Variants in NCAM1 observed in about 807,000 individuals in gnomAD.
NCAM1 encodes neural cell adhesion molecule 1, also known as antigen recognized by monoclonal antibody 5.1H11.
In NCAM1, 14 loss-of-function variants were observed where a neutral mutation model predicts 109.8. The ratio of observed to expected loss-of-function variants is 0.13; its 90% CI spans 0.08 to 0.20. The LOEUF is 0.20. Among genes scored for constraint, NCAM1 ranks in the 10% least tolerant of loss-of-function variants. The pLI, the probability that NCAM1 is intolerant of heterozygous loss-of-function variation, is 1.00. For synonymous variants in NCAM1, 418 were observed against 442.9 expected, an observed-to-expected ratio of 0.94 and a Z score of 0.70; for missense variants, 774 against 1,109.9, an observed-to-expected ratio of 0.70 and a Z score of 4.30.
At chr11:113,272,039 C>T (rs1565542641) in intron 19 of NCAM1, among the ~76,000 whole-genome samples, 163 bp downstream of exon 19, 1 of 151,902 alleles carries the variant, frequency 6.6e-6, no homozygotes, top group Admixed American at 6.5e-5. Context: ...TGAGAAATGC[C>T]TGACCTCAGG....
At chr11:112,988,805 G>C (rs1356732207) in intron 1 of NCAM1, among the ~76,000 whole-genome samples, 1 of 146,776 alleles carries the variant, frequency 6.8e-6, no homozygotes, top group East Asian at 2.0e-4. Flanking sequence ...CCGAAGTGCA[G>C]TGGCCCAATC....
At chr11:112,969,647 A>G (rs941678256) in intron 1 of NCAM1, among the ~76,000 whole-genome samples, 2 of 152,108 alleles carry the variant, frequency 1.3e-5, no homozygotes, top group Admixed American at 1.3e-4. Flanking sequence ...CACATATGTA[A>G]AGCAGATATA....
Position 113,207,384 on chromosome 11 carries a change from A to C in NCAM1, c.746+6A>C. The C allele has an allele frequency of 6.2e-7, 1 of 1,605,120 alleles. No individual in the cohort carries two copies. Among genetic ancestry groups the C allele is most frequent in the African/African-American group, 1.3e-5 (1 of 74,872 alleles). On this transcript the variant is annotated splice_donor_region_variant and intron_variant, in intron 6 of 19. Transcript: ENST00000316851. ...CCCACCATGAGCTGGACAAAGTAAG[A>C]AACTGGCTCATACCTTTTATCATGG...
In NCAM1 at chr11:113,214,377, A is replaced by G; in HGVS notation, c.925A>G (p.Lys309Glu). Reference sequence around the variant, plus strand: ...ATGTTTTGTCTTTTCAGCAAAACCCAAAATCACATATGTAGAGAACCAGAC... The same window carrying G: ...ATGTTTTGTCTTTTCAGCAAAACCCGAAATCACATATGTAGAGAACCAGAC... ...TIHLKVFAKPKITYVENQTAM... is the reference protein window; with the variant it reads ...TIHLKVFAKPEITYVENQTAM... Residue 309 changes from lysine to glutamate, a missense_variant, in exon 8 of 20, where the codon AAA (lysine) becomes GAA (glutamate). Lys to Glu is a moderately conservative substitution (Grantham distance 56). Transcript: ENST00000316851. The G allele has an allele frequency of 1.2e-6, 2 of 1,613,526 alleles. No homozygotes were observed. The highest frequency in any genetic ancestry group is 1.1e-5 in the South Asian group (1 of 90,890).
Position 113,087,556 on chromosome 11 carries a change from C to G in NCAM1, c.53-114823C>G, listed in dbSNP as rs34643760. 9.3e-3 allele frequency among the ~76,000 whole-genome samples: 1,411 copies of G among 152,196 alleles called. 10 individuals carry two copies. The highest frequency in any genetic ancestry group is 0.037 in the South Asian group (179 of 4,808). On this transcript the variant is annotated intron_variant, in intron 1 of 19. Transcript: ENST00000316851. ...TGTTCCTTTCTGAAGTTGTCCACACCTTAGTGACCCCAGAAAAACCCTTCC... is the reference window on the plus strand; with the variant it reads ...TGTTCCTTTCTGAAGTTGTCCACACGTTAGTGACCCCAGAAAAACCCTTCC...
chr11:113,056,516 T>C (rs1953719345), intron 1 of NCAM1, among the ~76,000 whole-genome samples: 1 of 152,176 alleles, frequency 6.6e-6, no homozygotes, highest in Non-Finnish European at 1.5e-5. Context: ...ACAACTATTA[T>C]ATATCAATTT....
chr11:113,262,766 G>T, intron 17 of NCAM1: 1 of 1,481,288 alleles, frequency 6.8e-7, no homozygotes, highest in Non-Finnish European at 9.2e-7. Flanking sequence ...CACCTTGGAC[G>T]TCACTGGGAC....
At position 113,140,899 on chromosome 11, in the gene NCAM1, C is replaced by T. The variant is rs1212691028; in HGVS notation, c.53-61480C>T. 2.0e-5 allele frequency among the ~76,000 whole-genome samples: 3 copies of T among 148,330 alleles called. No homozygotes were observed. In the East Asian group the frequency reaches 6.3e-4, roughly 31 times the overall value. ...ATATTTCACATCATCCTGAGGATTT[C>T]ATTTTTTTTGTTTTTTTCTGATCAG... is the stretch of plus-strand genomic sequence containing the variant. On this transcript the variant is annotated intron_variant, in intron 1 of 19. Coordinates refer to ENST00000316851, the MANE Select transcript of NCAM1 (RefSeq NM_181351.5).
intron 7 of NCAM1, 71 bp from the exon 8 acceptor site, chr11:113,214,298 G>A (rs1247543419): frequency 5.3e-5 from 81 of 1,522,454 alleles, no homozygotes; most frequent in African/African-American, 6.8e-5. Context: ...TGTTGGATAG[G>A]TGCATGCCAT....
chr11:113,057,289 G>A (rs892304724), intron 1 of NCAM1, among the ~76,000 whole-genome samples: 3 of 152,042 alleles, frequency 2.0e-5, no homozygotes, highest in African/African-American at 7.2e-5. Context: ...GACAACATTG[G>A]CAAAGGCATT....
chr11:113,252,988 G>C (rs1445970309), intron 15 of NCAM1, among the ~76,000 whole-genome samples: 1 of 151,676 alleles, frequency 6.6e-6, no homozygotes, highest in African/African-American at 2.4e-5. Context: ...TAAATTCTAA[G>C]AGAAAATAAT....
intron 8 of NCAM1, among the ~76,000 whole-genome samples, chr11:113,220,699 C>T (rs376356097): frequency 1.7e-4 from 25 of 147,566 alleles, no homozygotes; most frequent in Middle Eastern, 3.5e-3. Context: ...CTCTGCCTTC[C>T]GGGTTCACGC....
chr11:113,026,985 A>G (rs1399319334), intron 1 of NCAM1, among the ~76,000 whole-genome samples: 1 of 152,178 alleles, frequency 6.6e-6, no homozygotes, highest in African/African-American at 2.4e-5. Flanking sequence ...CAGATTAGCA[A>G]CCTTGAATGC....
At chr11:113,089,032 C>T (rs1939219902) in intron 1 of NCAM1, among the ~76,000 whole-genome samples, 1 of 152,100 alleles carries the variant, frequency 6.6e-6, no homozygotes, top group African/African-American at 2.4e-5. Context: ...AATTATAAGG[C>T]AGCCGGGCGC....
At chr11:113,141,206 A>G (rs550382155) in intron 1 of NCAM1, among the ~76,000 whole-genome samples, 39 of 152,348 alleles carry the variant, frequency 2.6e-4, no homozygotes, top group Non-Finnish European at 4.4e-4. Context: ...AGAAAAACAG[A>G]TGAGAGAAGG....
chr11:113,231,356 T>C (rs1944999868), intron 9 of NCAM1: 2 of 1,468,440 alleles, frequency 1.4e-6, no homozygotes, highest in Non-Finnish European at 1.8e-6. Flanking sequence ...AAAGTCATCT[T>C]GGGGGACCTA....
intron 1 of NCAM1, among the ~76,000 whole-genome samples, chr11:113,020,665 C>T (rs150121763): frequency 2.0e-5 from 3 of 152,120 alleles, no homozygotes; most frequent in African/African-American, 7.2e-5. Flanking sequence ...TTGATGAAAC[C>T]GTTCTTAGAA....
chr11:113,244,056 T>TATGAGGGG (rs782626946), intron 14 of NCAM1, among the ~76,000 whole-genome samples: 157 of 152,196 alleles, frequency 1.0e-3, no homozygotes, highest in Middle Eastern at 3.4e-3. Context: ...TAATTCAGAT[T>TATGAGGGG]ATGAGGGGTT....
intron 17 of NCAM1, chr11:113,262,943 T>A (rs782354357): frequency 6.2e-7 from 1 of 1,610,436 alleles, no homozygotes; most frequent in East Asian, 2.2e-5. Flanking sequence ...AACACAAAAA[T>A]TAAATTTGCT....
Sources: allele counts gnomAD v4.1 joint callset (sites outside exome capture counted in the v4.1 genomes callset), GRCh38; gene constraint gnomAD v4.1.1; transcripts MANE v1.5; gene names NCBI Gene and HGNC (gene_info 2026-07-23, HGNC 2026-07-21).